Variants in GPM6A observed in about 807,000 individuals in gnomAD.
GPM6A encodes glycoprotein M6A.
GPM6A carries 7 observed loss-of-function variants against 32.1 expected under a neutral mutation model. The ratio of observed to expected loss-of-function variants is 0.22; its 90% confidence interval spans 0.12 to 0.41. The LOEUF (loss-of-function observed/expected upper bound fraction) is 0.41. GPM6A is among the 10% of genes least tolerant of loss of function. The pLI is 1.00. For missense variants in GPM6A, 235 were observed against 347.2 expected (o/e 0.68, Z 2.57); for synonymous variants, 130 against 123.4 (o/e 1.05, Z -0.35).
intron 1 of GPM6A, among the ~76,000 whole-genome samples, chr4:175,911,744 T>C (rs1456987518): frequency 6.6e-6 from 1 of 152,138 alleles, no homozygotes; most frequent in African/African-American, 2.4e-5. Context: ...TAGGATTATA[T>C]GTACGAAGAT....
chr4:175,959,460 C>T lies in GPM6A; in HGVS notation c.-23+42849G>A, dbSNP rs146838278. Among the ~76,000 whole-genome samples the T allele has an allele frequency of 9.4e-3, 1,430 of 152,006 alleles. 13 individuals carry two copies. The highest frequency in any genetic ancestry group is 0.061 in the Middle Eastern group (18 of 294). ...CACACACACACACACACCCCACATA[C>T]GCACAGTTCAGTGACTGCTGCAATT... On this transcript the variant is annotated intron_variant, in intron 1 of 7. Transcript: ENST00000280187.
In GPM6A at chr4:175,801,368, A is replaced by T. The variant is rs1176304799; in HGVS notation, c.37+10823T>A. ...TATAGGTATTAATTAATAGGTAATA[A>T]TATAGGTATATTGAATAGCCATTTT... On this transcript the variant is annotated intron_variant, in intron 1 of 6. Coordinates refer to ENST00000393658, the MANE Select transcript of GPM6A (RefSeq NM_201591.3). Among the ~76,000 whole-genome samples, 4 of 151,972 alleles carry T rather than the reference A, an allele frequency of 2.6e-5. No homozygotes were observed. The East Asian group carries it at 5.8e-4, about 22-fold the overall frequency.
At chr4:175,811,638 C>A (rs1734923367) in intron 1 of GPM6A, among the ~76,000 whole-genome samples, 1 of 152,138 alleles carries the variant, frequency 6.6e-6, no homozygotes, top group Non-Finnish European at 1.5e-5. Flanking sequence ...CTTCCATACA[C>A]CCTGAAAATT....
chr4:175,841,335 CT>C (rs549778063), intron 1 of GPM6A, among the ~76,000 whole-genome samples: 9 of 151,804 alleles, frequency 5.9e-5, no homozygotes, highest in Non-Finnish European at 1.0e-4. Flanking sequence ...TTTTTTAAAT[CT>C]TTGTTTTTAG....
intron 1 of GPM6A, among the ~76,000 whole-genome samples, chr4:175,998,908 A>ATGTAAATTCTAAATTCCTC (rs2126473590): frequency 6.6e-6 from 1 of 151,666 alleles, no homozygotes; most frequent in East Asian, 1.9e-4. Context: ...CCTACCTCCT[A>ATGTAAATTCTAAATTCCTC]TCATTGCTTT....
chr4:175,953,729 G>A (rs898755103), intron 1 of GPM6A, among the ~76,000 whole-genome samples: 7 of 151,810 alleles, frequency 4.6e-5, no homozygotes, highest in South Asian at 2.1e-4. Flanking sequence ...GAGAAACCCC[G>A]TCTCTACTAA....
upstream of GPM6A, chr4:176,002,364 C>G (rs941191643): frequency 1.6e-5 from 25 of 1,569,732 alleles, no homozygotes; most frequent in Non-Finnish European, 2.1e-5. Context: ...AGTGACCAGA[C>G]GCTGCGCGGG....
chr4:175,912,228 G>T (rs1387697347), intron 1 of GPM6A, among the ~76,000 whole-genome samples: 1 of 152,112 alleles, frequency 6.6e-6, no homozygotes, highest in Non-Finnish European at 1.5e-5. Context: ...GGACAAAAAA[G>T]TTCCTCAAAG....
At chr4:175,919,667 C>T (rs558899833) in intron 1 of GPM6A, among the ~76,000 whole-genome samples, 62 of 152,168 alleles carry the variant, frequency 4.1e-4, no homozygotes, top group Non-Finnish European at 8.8e-4. Context: ...TCCATTCTCT[C>T]CTTCTCTCTC....
intron 1 of GPM6A, among the ~76,000 whole-genome samples, chr4:175,874,764 G>A (rs954099150): frequency 2.0e-5 from 3 of 152,086 alleles, no homozygotes; most frequent in South Asian, 2.1e-4. Flanking sequence ...AGGGATCCTT[G>A]ATGTGAAATA....
intron 1 of GPM6A, among the ~76,000 whole-genome samples, chr4:175,760,671 A>G (rs1247352714): frequency 8.5e-5 from 13 of 152,180 alleles, no homozygotes; most frequent in Non-Finnish European, 1.5e-5. Context: ...TGAAAACCAT[A>G]GGGAATATTT....
chr4:175,687,931 G>T (rs1744079444), intron 2 of GPM6A, among the ~76,000 whole-genome samples: 1 of 152,100 alleles, frequency 6.6e-6, no homozygotes. Context: ...CTTCCCAGAT[G>T]GTTAGTGATT....
At chr4:175,895,796 T>C (rs113525337) in intron 1 of GPM6A, among the ~76,000 whole-genome samples, 40 of 152,322 alleles carry the variant, frequency 2.6e-4, no homozygotes, top group African/African-American at 9.1e-4. Context: ...TGTATGGGTA[T>C]AATAGTGCAT....
chr4:175,879,764 T>A (rs1018600793), intron 1 of GPM6A, among the ~76,000 whole-genome samples: 2 of 152,168 alleles, frequency 1.3e-5, no homozygotes, highest in African/African-American at 4.8e-5. Flanking sequence ...GTAGTAGACA[T>A]GGATATTTTT....
intron 1 of GPM6A, among the ~76,000 whole-genome samples, chr4:175,713,650 A>G (rs987057004): frequency 6.6e-6 from 1 of 152,238 alleles, no homozygotes; most frequent in African/African-American, 2.4e-5. Context: ...GCATTACCAA[A>G]AACAAACTCA....
chr4:175,719,217 TTAGA>T (rs1745993486), intron 1 of GPM6A, among the ~76,000 whole-genome samples: 1 of 151,972 alleles, frequency 6.6e-6, no homozygotes, highest in Non-Finnish European at 1.5e-5. Context: ...TTTTTTTTTT[TTAGA>T]AGGAGTCTCG....
At chr4:175,762,392 C>T (rs1374704128) in intron 1 of GPM6A, among the ~76,000 whole-genome samples, 3 of 152,106 alleles carry the variant, frequency 2.0e-5, no homozygotes, top group Non-Finnish European at 4.4e-5. Flanking sequence ...CATTCATTCA[C>T]CCAACAACAT....
intron 1 of GPM6A, among the ~76,000 whole-genome samples, chr4:175,742,634 A>G (rs1315020639): frequency 6.6e-6 from 1 of 152,184 alleles, no homozygotes; most frequent in African/African-American, 2.4e-5. Flanking sequence ...CACATTCAGT[A>G]CAAAAACTGT....
chr4:175,897,962 A>T (rs995532020), intron 1 of GPM6A, among the ~76,000 whole-genome samples: 1 of 152,224 alleles, frequency 6.6e-6, no homozygotes, highest in African/African-American at 2.4e-5. Flanking sequence ...CAAGTAAGAC[A>T]ACACTAAGCC....
Sources: allele counts gnomAD v4.1 joint callset (sites outside exome capture counted in the v4.1 genomes callset), GRCh38; gene constraint gnomAD v4.1.1; transcripts MANE v1.5; gene names NCBI Gene and HGNC (gene_info 2026-07-23, HGNC 2026-07-21).